The following TNS1 variants were observed in gnomAD, a reference collection of about 807,000 sequenced individuals.
TNS1 encodes tensin 1.
TNS1 carries 62 observed loss-of-function variants against 168.6 expected under a neutral mutation model. The observed-to-expected ratio is 0.37, with a 90% CI of 0.30 to 0.45. The LOEUF is 0.45. Ranked by LOEUF, TNS1 falls within the 20% of genes least tolerant of loss-of-function variation. TNS1 has a pLI of 1.00. For missense variants in TNS1, 2,240 were observed against 2,339.4 expected (o/e 0.96, Z 0.88); for synonymous variants, 934 against 933.2 (o/e 1.00, Z -0.02).
chr2:217,901,399 C>A (rs563416826), intron 6 of TNS1, among the ~76,000 whole-genome samples: 1 of 152,350 alleles, frequency 6.6e-6, no homozygotes, highest in East Asian at 1.9e-4. Context: ...TACCAGATGA[C>A]AGCTGTTGTT....
intron 3 of TNS1, chr2:217,937,155 C>T (rs1956652813): frequency 1.0e-5 from 4 of 401,970 alleles, no homozygotes; most frequent in South Asian, 5.4e-5. Flanking sequence ...ATTCCCACTG[C>T]GTTTTGCAGC....
rs1329075249 is a variant in TNS1 at position 217,813,803 on chromosome 2, G to A, written c.4743C>T (p.Leu1581=). The change falls in exon 26 of 33, where the codon CTC becomes CTT. Residue 1581 remains leucine, a synonymous_variant. Coordinates refer to ENST00000682258, the MANE Select transcript of TNS1 (RefSeq NM_001387777.1). This position sits in a 1 kb window ranked among gnomAD's most constrained non-coding sequence, Gnocchi z 4.0. ...EISREQAIAL[L]KDQEPGAFII... ...TGAAGGCCCCCGGCTCCTGGTCCTT[G>A]AGGAGCGCGATGGCTGCATGGGGAA... The A allele has an allele frequency of 6.2e-7, 1 of 1,612,148 alleles. No homozygotes were observed. Among genetic ancestry groups the A allele is most frequent in the South Asian group, 1.1e-5 (1 of 90,874 alleles).
intron 18 of TNS1, among the ~76,000 whole-genome samples, chr2:217,870,168 C>T (rs1303642246): frequency 1.3e-5 from 2 of 152,262 alleles, no homozygotes; most frequent in Non-Finnish European, 2.9e-5. Flanking sequence ...AAGCCAGCCC[C>T]TCTGATCATA....
intron 28 of TNS1, among the ~76,000 whole-genome samples, chr2:217,810,719 TAGG>T (rs1464484055): frequency 6.6e-6 from 1 of 152,222 alleles, no homozygotes; most frequent in African/African-American, 2.4e-5. Context: ...TATCTTTGTG[TAGG>T]TCAATAAATC....
intron 6 of TNS1, chr2:217,905,564 C>T: frequency 3.6e-6 from 1 of 274,622 alleles, no homozygotes; most frequent in Non-Finnish European, 7.4e-6. Context: ...TCAACATCTA[C>T]CCCTGTGCCA....
chr2:217,882,289 G>T, intron 17 of TNS1, 57 bp downstream of exon 17: 1 of 1,215,584 alleles, frequency 8.2e-7, no homozygotes, highest in Non-Finnish European at 1.2e-6. Context: ...AGGGTGCTGG[G>T]GATAGGGTCA....
intron 20 of TNS1, 47 bp downstream of exon 20, chr2:217,835,968 G>C (rs368765753): frequency 6.6e-7 from 1 of 1,519,374 alleles, no homozygotes; most frequent in East Asian, 2.3e-5. Context: ...GATTTAAAGT[G>C]GGCACCACTA....
intron 1 of TNS1, among the ~76,000 whole-genome samples, chr2:218,023,911 C>T: frequency 6.6e-6 from 1 of 152,084 alleles, no homozygotes; most frequent in East Asian, 1.9e-4. Flanking sequence ...CCTTCCCCAG[C>T]TGACCTCAGA....
chr2:217,848,430 T>C lies in TNS1; in HGVS notation c.2087A>G (p.His696Arg), dbSNP rs560954271. The C allele has an allele frequency of 3.7e-6, 6 of 1,608,256 alleles. No homozygotes were observed. The highest frequency in any genetic ancestry group is 1.3e-5 in the African/African-American group (1 of 74,968). ...YESASRAGPA[H>R]AGHTAPMRPS... ...CCGCATGGGGGCCGTGTGGCCAGCA[T>C]GGGCAGGCCCCGCCCGGCTGGCAGA... The change falls in exon 19 of 33, where the codon CAT becomes CGT. Residue 696 changes from histidine (H) to arginine (R), a missense_variant. Physicochemically the swap from His to Arg is conservative, Grantham distance 29. Coordinates refer to ENST00000682258, the MANE Select transcript of TNS1 (RefSeq NM_001387777.1).
At chr2:217,843,235 G>A (rs1279761215) in intron 19 of TNS1, among the ~76,000 whole-genome samples, 1 of 151,874 alleles carries the variant, frequency 6.6e-6, no homozygotes, top group African/African-American at 2.4e-5. Context: ...TCATGAAGAG[G>A]TATCTCACCT....
intron 28 of TNS1, among the ~76,000 whole-genome samples, 157 bp from the exon 29 acceptor site, chr2:217,810,476 G>A (rs1035672): frequency 0.64 from 97,613 of 152,088 alleles, 31,990 homozygotes; most frequent in African/African-American, 0.77. Context: ...CAGTCTGAAC[G>A]TTTGATGATT....
At chr2:218,003,954 C>G (rs1958620816), upstream of TNS1, among the ~76,000 whole-genome samples, 1 of 152,040 alleles carries the variant, frequency 6.6e-6, no homozygotes, top group Non-Finnish European at 1.5e-5. Context: ...TGGGTCAAAA[C>G]CCAAAAGTAT....
At chr2:217,850,381 T>A in intron 18 of TNS1, 1 of 985,144 alleles carries the variant, frequency 1.0e-6, no homozygotes, top group South Asian at 4.7e-5. Flanking sequence ...AAAAACAAGA[T>A]GTCTTCATGG....
At position 217,817,992 on chromosome 2, in the gene TNS1, G is replaced by A. The variant is rs753791826; in HGVS notation, c.4340C>T (p.Ser1447Phe). Residue 1447 changes from serine (S) to phenylalanine (F), a missense_variant, in exon 24 of 33, where the codon TCT becomes TTT. This residue lies in a region of TNS1 where 2,131 missense variants were observed against 2,171.2 expected (regional missense o/e 0.98). Transcript: ENST00000682258. ...GGGCGTGGAAGGAGCCTGGTAGCCA[G>A]AGGCACTGCTCTGCCGGGACAGTGT... ...RPTLSRQSSA[S>F]GYQAPSTPSF... The A allele has an allele frequency of 5.0e-5, 80 of 1,599,238 alleles. No individual in the cohort carries two copies. Among genetic ancestry groups the A allele is most frequent in the Non-Finnish European group, 6.7e-5 (79 of 1,172,840 alleles).
intron 18 of TNS1, chr2:217,850,299 G>A: frequency 2.0e-6 from 2 of 985,336 alleles, no homozygotes; most frequent in Non-Finnish European, 1.2e-6. Context: ...AGGATGGGGG[G>A]CATATAGGGT....
At chr2:218,004,325 A>G (rs541491892), upstream of TNS1, among the ~76,000 whole-genome samples, 1 of 152,164 alleles carries the variant, frequency 6.6e-6, no homozygotes. Flanking sequence ...TGTGCTATAC[A>G]TGCCCTGGGG....
chr2:217,814,864 G>A, intron 25 of TNS1, 48 bp downstream of exon 25: 4 of 1,523,354 alleles, frequency 2.6e-6, no homozygotes, highest in Non-Finnish European at 3.6e-6. Context: ...GACACAGCAG[G>A]CCTCAGCCAG....
At chr2:217,824,105 G>T (rs1288480895) in intron 22 of TNS1, among the ~76,000 whole-genome samples, 1 of 152,232 alleles carries the variant, frequency 6.6e-6, no homozygotes, top group Admixed American at 6.5e-5. Context: ...TGCTGTTGTG[G>T]TGTGACAGCT....
At chr2:217,952,878 T>C (rs1333109455) in intron 3 of TNS1, among the ~76,000 whole-genome samples, 1 of 152,162 alleles carries the variant, frequency 6.6e-6, no homozygotes, top group Non-Finnish European at 1.5e-5. Flanking sequence ...CACAAAATGT[T>C]GAGGATTTAG....
Sources: allele counts gnomAD v4.1 joint callset (sites outside exome capture counted in the v4.1 genomes callset), GRCh38; gene constraint gnomAD v4.1.1; regional missense constraint gnomAD v4.1.1; non-coding constraint Gnocchi (gnomAD v3.1); transcripts MANE v1.5; gene names NCBI Gene and HGNC (gene_info 2026-07-23, HGNC 2026-07-21).